Variants in PDXDC1 observed in about 807,000 individuals in gnomAD.
The protein encoded by PDXDC1 is pyridoxal-dependent decarboxylase domain-containing protein 1.
A neutral mutation model predicts 100.1 loss-of-function variants in PDXDC1; 42 were observed. The ratio of observed to expected loss-of-function variants is 0.42; its 90% CI spans 0.33 to 0.54. The LOEUF (loss-of-function observed/expected upper bound fraction) is 0.54, where lower values mean the gene tolerates loss of function less well. Among genes scored for constraint, PDXDC1 ranks in the 20% least tolerant of loss-of-function variants. The probability of loss-of-function intolerance (pLI) is 0.10; values close to 1 mark genes in which losing one functional copy is unlikely to be tolerated. For synonymous variants in PDXDC1, 260 were observed against 371.7 expected (o/e 0.70, Z 3.46); for missense variants, 636 against 979.2 (o/e 0.65, Z 4.68).
downstream of PDXDC1, among the ~76,000 whole-genome samples, chr16:15,143,608 T>C (rs1324403709): frequency 6.6e-6 from 1 of 152,182 alleles, no homozygotes; most frequent in Non-Finnish European, 1.5e-5. Context: ...AGCCTGAGGC[T>C]GGCAGGGCCC....
At chr16:15,061,820 A>T (rs1323944068) in intron 16 of PDXDC1, 1 of 1,614,202 alleles carries the variant, frequency 6.2e-7, no homozygotes, top group Non-Finnish European at 8.5e-7. Flanking sequence ...ATGCGTGTCA[A>T]AGGAGCTTGG....
At chr16:15,136,167 C>T in intron 16 of PDXDC1, 14 of 1,014,238 alleles carry the variant, frequency 1.4e-5, no homozygotes, top group Non-Finnish European at 1.9e-5. Context: ...GGGCTCAGGG[C>T]ACTCCTCCAT....
intron 16 of PDXDC1, among the ~76,000 whole-genome samples, chr16:15,087,890 G>C (rs1230705322): frequency 6.6e-6 from 1 of 152,108 alleles, no homozygotes; most frequent in Non-Finnish European, 1.5e-5. Flanking sequence ...CGAGGTGGGT[G>C]GATCACCTGA....
rs2457537 is a variant in PDXDC1, at chr16:15,133,593, C to T, written c.1400-5286C>T. 13 of 1,149,174 alleles carry T rather than the reference C, an allele frequency of 1.1e-5. No individual in the cohort carries two copies. The East Asian group carries it at 1.2e-4, about 11-fold the overall frequency. The allele number at this position is 1,149,174 out of a possible 1,614,324, so 71.2% of individuals were successfully genotyped here. A position where few individuals can be genotyped will look rare whatever the true frequency, so the allele number is the denominator to read the frequency against. ...CCCGGGGGCAGCACGGCTCCGTAGC[C>T]GGAGAGGCTGCCCTTGTAGACACAG... is the stretch of plus-strand genomic sequence containing the variant. On this transcript the variant is annotated intron_variant, in intron 16 of 16. Transcript: ENST00000535621.
chr16:15,049,622 C>T (rs1457877374), intron 16 of PDXDC1, among the ~76,000 whole-genome samples: 2 of 151,788 alleles, frequency 1.3e-5, no homozygotes, highest in African/African-American at 2.4e-5. Context: ...AACTGGGTTT[C>T]GCCATGTTGG....
chr16:15,041,514 G>A, downstream of PDXDC1: 1 of 804,514 alleles, frequency 1.2e-6, no homozygotes, highest in Admixed American at 1.7e-5. Context: ...AACAGATGGT[G>A]GCCAAGCAGT....
chr16:15,076,591 A>G, intron 16 of PDXDC1: 1 of 1,613,256 alleles, frequency 6.2e-7, no homozygotes, highest in Non-Finnish European at 8.5e-7. Context: ...AATCTGTCCC[A>G]CCACAAGTTT....
At chr16:15,064,737 T>A (rs2032642338) in intron 16 of PDXDC1, among the ~76,000 whole-genome samples, 1 of 152,232 alleles carries the variant, frequency 6.6e-6, no homozygotes, top group Non-Finnish European at 1.5e-5. Context: ...CAAGTCCTGC[T>A]AGGCATCCTC....
At chr16:15,072,617 A>C (rs984874068) in intron 16 of PDXDC1, among the ~76,000 whole-genome samples, 2 of 152,148 alleles carry the variant, frequency 1.3e-5, no homozygotes, top group African/African-American at 4.8e-5. Flanking sequence ...AGTATGGCCA[A>C]CGTGGCGAAA....
At position 15,037,891 on chromosome 16, in the gene PDXDC1, TG is replaced by T. The variant is rs1267818769; in HGVS notation, c.*1617del. ...ATAAGGTTTTATTTTGAAAGTCATT[TG>T]ATGAAAGTCATTTGAAAGACACTGA... is the stretch of plus-strand genomic sequence containing the variant. On this transcript the variant is annotated 3_prime_UTR_variant, in exon 23 of 23. Coordinates refer to ENST00000396410, the MANE Select transcript of PDXDC1 (RefSeq NM_015027.4). 9 of 575,380 alleles carry T rather than the reference TG, an allele frequency of 1.6e-5. No homozygotes were observed. Among genetic ancestry groups the T allele is most frequent in the Non-Finnish European group, 2.8e-5 (9 of 324,300 alleles). 35.6% of individuals were successfully genotyped at this position (575,380 alleles called of 1,614,324 possible). A position where few individuals can be genotyped will look rare whatever the true frequency, so the allele number is the denominator to read the frequency against.
At chr16:15,090,826 T>G (rs2046099482) in intron 16 of PDXDC1, among the ~76,000 whole-genome samples, 1 of 151,416 alleles carries the variant, frequency 6.6e-6, no homozygotes, top group African/African-American at 2.4e-5. Flanking sequence ...CAGCTTTTAC[T>G]ACATGATAGG....
At chr16:15,040,191 A>G (rs2151687739), downstream of PDXDC1, 1 of 504,488 alleles carries the variant, frequency 2.0e-6, no homozygotes, top group Non-Finnish European at 3.5e-6. Flanking sequence ...GCTCCTAAGT[A>G]TCTGGACTTC....
Position 15,035,492 on chromosome 16 carries a change from A to G in PDXDC1, c.2046A>G (p.Gln682=). ...AACCCATATATGTCTACAAAGCACA[A>G]GGTGCAGGAGTCACGCTGCCTCCAA... ...STEPIYVYKA[Q]GAGVTLPPTP... The change falls in exon 22 of 23, where the codon CAA becomes CAG. Residue 682 remains glutamine, a synonymous_variant. Coordinates refer to ENST00000396410, the MANE Select transcript of PDXDC1 (RefSeq NM_015027.4). The G allele has an allele frequency of 1.9e-6, 3 of 1,612,268 alleles. No homozygotes were observed. The highest frequency in any genetic ancestry group is 2.5e-6 in the Non-Finnish European group (3 of 1,179,436).
At chr16:15,058,549 A>G (rs908875297) in intron 16 of PDXDC1, among the ~76,000 whole-genome samples, 1 of 152,026 alleles carries the variant, frequency 6.6e-6, no homozygotes, top group Non-Finnish European at 1.5e-5. Context: ...CAACATAGTG[A>G]AACTCCATCT....
At chr16:15,024,133 C>G (rs1446001975) in intron 13 of PDXDC1, among the ~76,000 whole-genome samples, 5 of 152,288 alleles carry the variant, frequency 3.3e-5, no homozygotes, top group African/African-American at 9.6e-5. Flanking sequence ...GTAGGCCACA[C>G]TGGCCCAGGC....
chr16:15,091,264 C>A (rs1276826236), intron 16 of PDXDC1: 2 of 1,603,322 alleles, frequency 1.2e-6, no homozygotes, highest in Admixed American at 1.7e-5. Context: ...CAAACTATGT[C>A]TGTATACAGT....
At chr16:15,070,421 T>C (rs2045174030) in intron 16 of PDXDC1, among the ~76,000 whole-genome samples, 2 of 151,646 alleles carry the variant, frequency 1.3e-5, no homozygotes, top group African/African-American at 4.8e-5. Context: ...AGGATAAGGA[T>C]GGGTGCGTAG....
intron 16 of PDXDC1, chr16:15,071,185 T>G (rs1375418628): frequency 6.8e-6 from 11 of 1,610,754 alleles, no homozygotes; most frequent in Non-Finnish European, 9.3e-6. Flanking sequence ...GCCTGCCTGA[T>G]GATGGCAGGA....
intron 16 of PDXDC1, chr16:15,073,053 T>G: frequency 1.2e-6 from 2 of 1,612,350 alleles, no homozygotes; most frequent in African/African-American, 1.3e-5. Flanking sequence ...GCGATATAGA[T>G]CCTTTGTTTT....
Sources: gnomAD v4.1 joint callset for allele counts (sites outside exome capture counted in the v4.1 genomes callset) on GRCh38, gnomAD v4.1.1 for gene constraint, MANE v1.5 for transcripts, NCBI Gene and HGNC (gene_info 2026-07-23, HGNC 2026-07-21) for gene names.